The following SRD5A2 variants were observed in gnomAD, a reference collection of about 807,000 sequenced individuals.
SRD5A2 encodes the protein 3-oxo-5-alpha-steroid 4-dehydrogenase 2.
In SRD5A2, 30 loss-of-function variants were observed where a neutral mutation model predicts 27.4. The observed-to-expected ratio is 1.10, with a 90% confidence interval of 0.82 to 1.49. SRD5A2 has a LOEUF of 1.49. Ranked by LOEUF, SRD5A2 falls within the 40% of genes most tolerant of loss-of-function variation. SRD5A2 has a pLI of 0.00. For synonymous variants in SRD5A2, 141 were observed against 133.6 expected (o/e 1.06, Z -0.38); for missense variants, 348 against 323.4 (o/e 1.08, Z -0.58).
chr2:31,533,700 A>C lies in SRD5A2; in HGVS notation c.348T>G (p.Thr116=). ...GGACTCCATTTCCAGTGCAGAAGGC[A>C]GTGCCTCTGAGAATGAGTATAGCTG... ...PYPAILILRG[T]AFCTGNGVLQ... Residue 116 remains threonine (T), a synonymous_variant, in exon 2 of 5, where the codon ACT becomes ACG. Coordinates refer to ENST00000622030, the MANE Select transcript of SRD5A2 (RefSeq NM_000348.4). The C allele has an allele frequency of 6.3e-7, 1 of 1,591,910 alleles. No homozygotes were observed. The highest frequency in any genetic ancestry group is 8.6e-7 in the Non-Finnish European group (1 of 1,168,730).
At chr2:31,563,242 A>G (rs566355281) in intron 1 of SRD5A2, 46 of 152,282 alleles carry the variant, frequency 3.0e-4, no homozygotes, top group African/African-American at 1.0e-3. Flanking sequence ...ATTGAGTACA[A>G]GTAGAGGTCA....
At chr2:31,601,654 A>G in the SRD5A2 span, among the ~76,000 whole-genome samples, 4 of 152,122 alleles carry the variant, frequency 2.6e-5, no homozygotes, top group Admixed American at 1.3e-4. Flanking sequence ...CTGATGCAAA[A>G]CTCCTCAATA....
At chr2:31,626,646 G>A in the SRD5A2 span, among the ~76,000 whole-genome samples, 1 of 152,094 alleles carries the variant, frequency 6.6e-6, no homozygotes, top group African/African-American at 2.4e-5. Flanking sequence ...CTGTTTATAT[G>A]ATGGATTACA....
intron 1 of SRD5A2, among the ~76,000 whole-genome samples, chr2:31,559,835 C>A (rs1225819405): frequency 4.7e-5 from 1 of 21,478 alleles, no homozygotes; most frequent in Non-Finnish European, 1.1e-4. Context: ...AGTAAACAAA[C>A]CCACACACAC....
chr2:31,589,875 T>C, the SRD5A2 span, among the ~76,000 whole-genome samples: 4 of 152,042 alleles, frequency 2.6e-5, no homozygotes, highest in Non-Finnish European at 5.9e-5. Context: ...TGGGGAAAGA[T>C]CTCAGCCCTG....
At chr2:31,566,859 AAT>A (rs1211587801) in intron 1 of SRD5A2, among the ~76,000 whole-genome samples, 3 of 152,220 alleles carry the variant, frequency 2.0e-5, no homozygotes, top group Non-Finnish European at 4.4e-5. Flanking sequence ...TAAATAATTA[AAT>A]ACTTTAATAA....
At chr2:31,555,236 T>C (rs976750862) in intron 1 of SRD5A2, among the ~76,000 whole-genome samples, 1 of 152,036 alleles carries the variant, frequency 6.6e-6, no homozygotes, top group Admixed American at 6.6e-5. Context: ...CCTAATTGCA[T>C]CTACAGTGGT....
At position 31,525,715 on chromosome 2, in the gene SRD5A2, G is replaced by C. The variant is rs1441653347; in HGVS notation, c.*481C>G. 1 of 228,656 alleles carries C rather than the reference G, an allele frequency of 4.4e-6. No individual in the cohort carries two copies. The highest frequency in any genetic ancestry group is 2.2e-5 in the African/African-American group (1 of 45,072). The allele number at this position is 228,656 out of a possible 1,614,324, so 14.2% of individuals were successfully genotyped here. Reference sequence around the variant, plus strand: ...AGCCATGACTGGGGTTTTCATTTGGGAGTGGGTTTGCTCTGGGTCTTTGTG... The same window carrying C: ...AGCCATGACTGGGGTTTTCATTTGGCAGTGGGTTTGCTCTGGGTCTTTGTG... On this transcript the variant is annotated 3_prime_UTR_variant, in exon 5 of 5. Transcript: ENST00000622030.
the SRD5A2 span, among the ~76,000 whole-genome samples, chr2:31,661,547 CTT>C: frequency 1.4e-4 from 21 of 152,296 alleles, no homozygotes; most frequent in African/African-American, 4.6e-4. Flanking sequence ...AAATTAGTCT[CTT>C]TGATCAGATG....
rs113274423 is a variant in SRD5A2, at chr2:31,559,228, G to A, written c.281+21392C>T. Among the ~76,000 whole-genome samples, 9 of 152,252 alleles carry A rather than the reference G, an allele frequency of 5.9e-5. No homozygotes were observed. The East Asian group carries it at 9.7e-4, about 16-fold the overall frequency. On this transcript the variant is annotated intron_variant, in intron 1 of 4. Transcript: ENST00000622030. ...TGCCACTTTGGCTTGACCTGCTGCC[G>A]AGTCCAGAATGGAATGTTTTCTTGC...
At chr2:31,659,345 G>C in the SRD5A2 span, among the ~76,000 whole-genome samples, 1 of 152,090 alleles carries the variant, frequency 6.6e-6, no homozygotes. Context: ...ATTCAGGCAA[G>C]AGAAAGAAAT....
chr2:31,564,696 C>T (rs1276071921), intron 1 of SRD5A2, among the ~76,000 whole-genome samples: 1 of 151,926 alleles, frequency 6.6e-6, no homozygotes, highest in African/African-American at 2.4e-5. Context: ...AGGGCAAGAA[C>T]AGATTTCTTG....
the SRD5A2 span, among the ~76,000 whole-genome samples, chr2:31,618,934 T>C: frequency 2.0e-5 from 3 of 152,186 alleles, no homozygotes; most frequent in Non-Finnish European, 4.4e-5. Flanking sequence ...CATCACACTG[T>C]ACCTGATAAA....
At chr2:31,535,638 C>A (rs912003370) in intron 1 of SRD5A2, among the ~76,000 whole-genome samples, 5 of 152,214 alleles carry the variant, frequency 3.3e-5, no homozygotes, top group African/African-American at 1.2e-4. Flanking sequence ...CACACCTGGA[C>A]TCAGGTCTAC....
chr2:31,602,311 A>C, the SRD5A2 span, among the ~76,000 whole-genome samples: 2 of 152,226 alleles, frequency 1.3e-5, no homozygotes, highest in East Asian at 3.9e-4. Flanking sequence ...TCCCGTTCAC[A>C]ATTGCCACAA....
chr2:31,557,545 G>T (rs556856123), intron 1 of SRD5A2, among the ~76,000 whole-genome samples: 1 of 152,094 alleles, frequency 6.6e-6, no homozygotes, highest in South Asian at 2.1e-4. Flanking sequence ...CAATGTGAAG[G>T]CTACCTAGTA....
intron 1 of SRD5A2, among the ~76,000 whole-genome samples, chr2:31,554,741 C>T (rs1189867381): frequency 1.3e-5 from 2 of 152,164 alleles, no homozygotes; most frequent in East Asian, 3.9e-4. Flanking sequence ...TCTCTGGAAA[C>T]ATGTTGCTTT....
intron 4 of SRD5A2, among the ~76,000 whole-genome samples, chr2:31,527,363 G>A (rs572179488): frequency 3.3e-5 from 5 of 152,264 alleles, no homozygotes; most frequent in Admixed American, 2.6e-4. Flanking sequence ...GCTGGTTTTC[G>A]GTACTGTGAT....
chr2:31,585,334 G>A (rs1016410775), upstream of SRD5A2, among the ~76,000 whole-genome samples: 1 of 152,106 alleles, frequency 6.6e-6, no homozygotes, highest in South Asian at 2.1e-4. Flanking sequence ...AGCCAAGGGA[G>A]TGCTGGCATC....
Sources: allele counts gnomAD v4.1 joint callset (sites outside exome capture counted in the v4.1 genomes callset), GRCh38; gene constraint gnomAD v4.1.1; transcripts MANE v1.5; gene names NCBI Gene and HGNC (gene_info 2026-07-23, HGNC 2026-07-21).